Variants in CTBP2 observed in about 807,000 individuals in gnomAD.
CTBP2 encodes C-terminal-binding protein 2.
A neutral mutation model predicts 80.3 loss-of-function variants in CTBP2; 30 were observed. That is an observed-to-expected ratio of 0.37 (90% CI 0.28 to 0.51). The LOEUF is 0.51. Ranked by LOEUF, CTBP2 falls within the 20% of genes least tolerant of loss-of-function variation. CTBP2 has a pLI of 0.93. For synonymous variants in CTBP2, 594 were observed against 587.4 expected (o/e 1.01, Z -0.16); for missense variants, 1,212 against 1,375.3 (o/e 0.88, Z 1.88).
chr10:125,036,646 G>A (rs1958897199), intron 3 of CTBP2, among the ~76,000 whole-genome samples: 1 of 151,214 alleles, frequency 6.6e-6, no homozygotes, highest in Admixed American at 6.6e-5. Flanking sequence ...TAGAAACATG[G>A]TGAGAATTCA....
chr10:125,143,677 A>G (rs2133300511), intron 1 of CTBP2, among the ~76,000 whole-genome samples: 2 of 152,354 alleles, frequency 1.3e-5, no homozygotes, highest in South Asian at 4.1e-4. Flanking sequence ...TACACTGCCT[A>G]AAACTACAAT....
At chr10:125,017,602 C>G (rs557420867) in intron 1 of CTBP2, among the ~76,000 whole-genome samples, 1 of 152,298 alleles carries the variant, frequency 6.6e-6, no homozygotes, top group Admixed American at 6.5e-5. Context: ...CTCTTATGAC[C>G]AAAGAACATT....
chr10:125,153,987 G>C (rs1565061637), intron 1 of CTBP2, among the ~76,000 whole-genome samples: 1 of 152,188 alleles, frequency 6.6e-6, no homozygotes, highest in Non-Finnish European at 1.5e-5. Flanking sequence ...CCTTTAACGT[G>C]GCCCTTCCAG....
intron 2 of CTBP2, among the ~76,000 whole-genome samples, chr10:125,044,605 C>T (rs1960764868): frequency 6.6e-6 from 1 of 152,176 alleles, no homozygotes; most frequent in African/African-American, 2.4e-5. Context: ...GAAAAAACTA[C>T]TAAAAACCAG....
chr10:125,039,170 A>G lies in CTBP2; in HGVS notation c.-101-15T>C, dbSNP rs1212895327. 21 of 860,188 alleles carry G rather than the reference A, an allele frequency of 2.4e-5. No individual in the cohort carries two copies. Among genetic ancestry groups the G allele is most frequent in the South Asian group, 9.7e-5 (6 of 61,590 alleles). The allele number at this position is 860,188 out of a possible 1,614,324, so 53.3% of individuals were successfully genotyped here. A position where few individuals can be genotyped will look rare whatever the true frequency, so the allele number is the denominator to read the frequency against. On this transcript the variant is annotated splice_polypyrimidine_tract_variant and intron_variant, in intron 2 of 10. Transcript: ENST00000337195. Reference sequence around the variant, plus strand: ...CACTATGAACCCTGAAACAAGGAGAAAAGAATCCTTACTCTCTGGAGACCC... The same window carrying G: ...CACTATGAACCCTGAAACAAGGAGAGAAGAATCCTTACTCTCTGGAGACCC...
In CTBP2 at chr10:125,049,653, C is replaced by T. The variant is rs114075091; in HGVS notation, c.-101-10498G>A. On this transcript the variant is annotated intron_variant, in intron 2 of 10. Transcript: ENST00000337195. The stretch of plus-strand genomic sequence containing the variant: ...AGAGGTGGAGACCCGCAGGCATGGT[C>T]GAAGATGGTGGGAAAGGGGAGTTCA... Among the ~76,000 whole-genome samples, 273 of 152,178 alleles carry T rather than the reference C, an allele frequency of 1.8e-3. 3 individuals are homozygous for T. The highest frequency in any genetic ancestry group is 6.2e-3 in the African/African-American group (257 of 41,522).
chr10:125,051,022 G>T (rs1962622815), intron 2 of CTBP2, among the ~76,000 whole-genome samples: 1 of 152,154 alleles, frequency 6.6e-6, no homozygotes, highest in Non-Finnish European at 1.5e-5. Flanking sequence ...CTACCATCAG[G>T]GATCCTAATT....
intron 3 of CTBP2, 147 bp downstream of exon 5, chr10:125,002,813 C>T (rs1014649556): frequency 1.1e-6 from 1 of 949,282 alleles, no homozygotes; most frequent in East Asian, 2.6e-5. Context: ...GCAAGGTGCT[C>T]CACAGCCCGG....
intron 2 of CTBP2, among the ~76,000 whole-genome samples, chr10:125,074,386 C>T (rs1465901670): frequency 1.3e-5 from 2 of 152,152 alleles, no homozygotes; most frequent in Non-Finnish European, 2.9e-5. Flanking sequence ...CAGAGTTTTG[C>T]ACTTTTCACC....
chr10:125,025,978 C>A (rs1432313960), intron 1 of CTBP2: 27 of 1,400,250 alleles, frequency 1.9e-5, no homozygotes, highest in Non-Finnish European at 2.5e-5. Flanking sequence ...GTGTGTGTGG[C>A]CTGGTGAGTG....
intron 2 of CTBP2, among the ~76,000 whole-genome samples, chr10:125,056,910 G>GGAA (rs1335906264): frequency 6.6e-6 from 1 of 152,210 alleles, no homozygotes. Context: ...GCAGAGCTCT[G>GGAA]GAAGGTTCTC....
intron 2 of CTBP2, among the ~76,000 whole-genome samples, chr10:125,063,653 G>A (rs975469286): frequency 6.6e-5 from 10 of 152,230 alleles, no homozygotes; most frequent in Non-Finnish European, 1.3e-4. Flanking sequence ...TCAGCTCATG[G>A]ATGGCGCAAA....
intron 1 of CTBP2, among the ~76,000 whole-genome samples, chr10:125,157,719 T>C (rs917804147): frequency 1.3e-5 from 2 of 152,226 alleles, no homozygotes; most frequent in East Asian, 1.9e-4. Context: ...TGTTTGCTCA[T>C]GTTATACTTG....
Position 125,027,211 on chromosome 10 carries a change from A to C in CTBP2, c.549T>G (p.Ala183=), listed in dbSNP as rs1406034113. The C allele has an allele frequency of 3.7e-6, 6 of 1,611,166 alleles. No homozygotes were observed. Among genetic ancestry groups the C allele is most frequent in the Non-Finnish European group, 5.1e-6 (6 of 1,178,170 alleles). The change falls in exon 1 of 9, where the codon GCT becomes GCG. Residue 183 remains alanine, a synonymous_variant. Coordinates refer to ENST00000309035, the MANE Select transcript of CTBP2 (RefSeq NM_022802.3). ...CCCGTCCATACCGCCCGGGAGATGCAGCCCTGCTCTGTGTCTGCCGCCCCT... is the reference window on the plus strand; with the variant it reads ...CCCGTCCATACCGCCCGGGAGATGCCGCCCTGCTCTGTGTCTGCCGCCCCT...
chr10:125,118,671 C>A lies in CTBP2; in HGVS notation c.-205-7578G>T, dbSNP rs979693049. 2.3e-5 allele frequency among the ~76,000 whole-genome samples: 3 copies of A among 133,054 alleles called. No individual in the cohort carries two copies. In the Admixed American group the frequency reaches 2.9e-4, roughly 13 times the overall value. The allele number at this position is 133,054 out of a possible 152,430, so 87.3% of individuals were successfully genotyped here. A position where few individuals can be genotyped will look rare whatever the true frequency, so the allele number is the denominator to read the frequency against. On this transcript the variant is annotated intron_variant, in intron 1 of 10. Coordinates refer to the CTBP2 transcript ENST00000337195. ...CACGACAGTCCTACTTACAGACAAGCCAGGAAATCACCTGAACTTGAAAGA... is the reference window on the plus strand; with the variant it reads ...CACGACAGTCCTACTTACAGACAAGACAGGAAATCACCTGAACTTGAAAGA...
upstream of CTBP2, chr10:125,032,753 G>C (rs1958389086): frequency 6.5e-6 from 1 of 154,824 alleles, no homozygotes; most frequent in East Asian, 1.9e-4. Context: ...TGGACGGCTG[G>C]CCTCAAGGGA....
intron 2 of CTBP2, among the ~76,000 whole-genome samples, chr10:125,067,500 T>A (rs1844827588): frequency 6.6e-6 from 1 of 152,248 alleles, no homozygotes; most frequent in East Asian, 1.9e-4. Flanking sequence ...GAACTCTCCA[T>A]GTAACCTTCT....
chr10:124,991,371 C>T (rs952035809), intron 8 of CTBP2, among the ~76,000 whole-genome samples: 5 of 152,134 alleles, frequency 3.3e-5, no homozygotes, highest in Admixed American at 6.5e-5. Context: ...CCCCAGCTTA[C>T]GTGAAGGATA....
At chr10:125,036,681 GT>G (rs1958922958) in intron 3 of CTBP2, among the ~76,000 whole-genome samples, 1 of 47,490 alleles carries the variant, frequency 2.1e-5, no homozygotes, top group South Asian at 8.1e-4. Context: ...GTGTGTGTGT[GT>G]GTGTGTGTGT....
Sources: gnomAD v4.1 joint callset for allele counts (sites outside exome capture counted in the v4.1 genomes callset) on GRCh38, gnomAD v4.1.1 for gene constraint, MANE v1.5 for transcripts, NCBI Gene and HGNC (gene_info 2026-07-23, HGNC 2026-07-21) for gene names.